Variants in CROCC2 observed in about 807,000 individuals in gnomAD.
CROCC2 encodes ciliary rootlet coiled-coil, rootletin family member 2.
CROCC2 carries 163 observed loss-of-function variants against 177.6 expected under a neutral mutation model. That is an observed-to-expected ratio of 0.92 (90% CI 0.81 to 1.05). The LOEUF (loss-of-function observed/expected upper bound fraction) is 1.05. Among genes scored for constraint, CROCC2 ranks in the 50% least tolerant of loss-of-function variants. CROCC2 has a pLI of 0.00. For synonymous variants in CROCC2, 904 were observed against 787.3 expected (o/e 1.15, Z -2.48); for missense variants, 1,929 against 1,797.8 (o/e 1.07, Z -1.32).
rs942086271 is a variant in CROCC2, at chr2:240,993,101, G to A, written c.*20G>A. The A allele has an allele frequency of 6.7e-5, 48 of 716,480 alleles. No individual in the cohort carries two copies. The highest frequency in any genetic ancestry group is 2.3e-4 in the Middle Eastern group (1 of 4,388). The allele number at this position is 716,480 out of a possible 1,614,324, so 44.4% of individuals were successfully genotyped here. ...GACTGAAGCTCCCAGCACAGGGGAG[G>A]CGCCCAGCGTGGCTGCAGAGGAAGG... is the stretch of plus-strand genomic sequence containing the variant. On this transcript the variant is annotated 3_prime_UTR_variant, in exon 32 of 32. Coordinates refer to ENST00000690015, the MANE Select transcript of CROCC2 (RefSeq NM_001351305.2).
intron 15 of CROCC2, among the ~76,000 whole-genome samples, chr2:240,947,018 A>T (rs528817972): frequency 6.6e-6 from 1 of 152,356 alleles, no homozygotes; most frequent in African/African-American, 2.4e-5. Context: ...GGTGATCTGA[A>T]TGGGTCCTGC....
chr2:240,966,299 T>C lies in CROCC2; in HGVS notation c.4036T>C (p.Trp1346Arg), dbSNP rs1460690339. Residue 1346 changes from tryptophan to arginine, a missense_variant, in exon 25 of 32, where the codon TGG becomes CGG. By Grantham distance (101) the Trp-to-Arg change is moderately radical. Transcript: ENST00000690015. ...PPARPHSPLR[W>R]PSPTPGGRSS... is the part of the protein sequence containing the mutation. The stretch of plus-strand genomic sequence containing the variant: ...AGCCAGGCCCCACTCGCCCCTCCGA[T>C]GGCCCTCGCCCACACCCGGAGGCCG... 1.4e-5 allele frequency: 6 copies of C among 443,476 alleles called. No individual in the cohort carries two copies. The East Asian group carries it at 2.1e-4, about 16-fold the overall frequency. 27.5% of individuals were successfully genotyped at this position (443,476 alleles called of 1,614,324 possible). A position where few individuals can be genotyped will look rare whatever the true frequency, so the allele number is the denominator to read the frequency against.
At chr2:240,971,180 C>T (rs898912050) in intron 27 of CROCC2, among the ~76,000 whole-genome samples, 38 of 152,304 alleles carry the variant, frequency 2.5e-4, no homozygotes, top group African/African-American at 7.9e-4. Context: ...TGCCGACACC[C>T]GAGGGTGTGC....
Position 240,973,381 on chromosome 2 carries a change from T to C in CROCC2, c.4401+5119T>C, listed in dbSNP as rs552759338. ...CAGGTCTCTGAGCAGGCGGGAGGCC[T>C]GGCACTCACTCAGCATCACCCACAG... On this transcript the variant is annotated intron_variant, in intron 27 of 31. Transcript: ENST00000690015. The surrounding 1 kb of genome is among the most constrained non-coding windows in gnomAD (Gnocchi z 4.7). 6.6e-6 allele frequency among the ~76,000 whole-genome samples: 1 copy of C among 152,226 alleles called. No homozygotes were observed. The highest frequency in any genetic ancestry group is 6.5e-5 in the Admixed American group (1 of 15,288).
chr2:240,961,522 G>A (rs1032297861), intron 20 of CROCC2, among the ~76,000 whole-genome samples: 6 of 150,574 alleles, frequency 4.0e-5, no homozygotes, highest in African/African-American at 1.5e-4. Flanking sequence ...CACATACAGA[G>A]TGGACACCTG....
chr2:240,907,624 A>G (rs908565333), intron 1 of CROCC2, among the ~76,000 whole-genome samples: 6 of 152,174 alleles, frequency 3.9e-5, no homozygotes, highest in African/African-American at 1.4e-4. Flanking sequence ...TTGCTCACAC[A>G]CAGGGCTGCA....
chr2:240,906,834 C>T (rs950067572), intron 1 of CROCC2, among the ~76,000 whole-genome samples: 2 of 152,132 alleles, frequency 1.3e-5, no homozygotes, highest in African/African-American at 2.4e-5. Flanking sequence ...GGCCCAGGGC[C>T]GCTGCTGGCT....
At chr2:240,939,982 T>C (rs149405825) in intron 14 of CROCC2, among the ~76,000 whole-genome samples, 1 of 152,346 alleles carries the variant, frequency 6.6e-6, no homozygotes, top group African/African-American at 2.4e-5. Context: ...CAAAAGAATG[T>C]GTATTATGCT....
chr2:240,965,063 C>T (rs1300652979), intron 22 of CROCC2, among the ~76,000 whole-genome samples: 8 of 152,180 alleles, frequency 5.3e-5, no homozygotes, highest in Admixed American at 3.9e-4. Flanking sequence ...CCTGTAATGG[C>T]GGCCTCGGGG....
In CROCC2 at chr2:240,935,515, G is replaced by T; in HGVS notation, c.2096G>T (p.Arg699Leu). The T allele has an allele frequency of 7.4e-7, 1 of 1,351,142 alleles. No homozygotes were observed. Among genetic ancestry groups the T allele is most frequent in the Non-Finnish European group, 9.5e-7 (1 of 1,048,946 alleles). The allele number at this position is 1,351,142 out of a possible 1,614,324, so 83.7% of individuals were successfully genotyped here. ...LQQACGRLEQRQEQLEGQAAL... is the reference protein window; with the variant it reads ...LQQACGRLEQLQEQLEGQAAL... ...CAGGCCTGCGGACGCCTGGAGCAGC[G>T]GCAGGAGCAGCTGGAGGGGCAGGCA... is the stretch of plus-strand genomic sequence containing the variant. Residue 699 changes from arginine to leucine, a missense_variant, in exon 14 of 32, where the codon CGG becomes CTG. By Grantham distance (102) the Arg-to-Leu change is moderately radical. Transcript: ENST00000690015.
Position 240,949,751 on chromosome 2 carries a change from C to T in CROCC2, c.2652+49C>T, listed in dbSNP as rs2059542734. 1 of 1,498,026 alleles carries T rather than the reference C, an allele frequency of 6.7e-7. No individual in the cohort carries two copies. Among genetic ancestry groups the T allele is most frequent in the African/African-American group, 1.4e-5 (1 of 71,190 alleles). 92.8% of individuals were successfully genotyped at this position (1,498,026 alleles called of 1,614,324 possible). A position where few individuals can be genotyped will look rare whatever the true frequency, so the allele number is the denominator to read the frequency against. ...GTAGCTTCCTAGAAGGCTACCAGGT[C>T]CCGGGGAATGGCAGGCCCTTGGGAG... On this transcript the variant is annotated intron_variant, in intron 17 of 31. Transcript: ENST00000690015. This position sits in a 1 kb window ranked among gnomAD's most constrained non-coding sequence, Gnocchi z 4.5.
rs116145204 is a variant in CROCC2 at position 240,918,535 on chromosome 2, G to A, written c.79-191G>A. Among the ~76,000 whole-genome samples the A allele has an allele frequency of 6.6e-5, 10 of 152,198 alleles. No individual in the cohort carries two copies. Among genetic ancestry groups the A allele is most frequent in the East Asian group, 1.9e-4 (1 of 5,190 alleles). On this transcript the variant is annotated intron_variant, in intron 1 of 31. Transcript: ENST00000690015. The surrounding 1 kb of genome is among the most constrained non-coding windows in gnomAD (Gnocchi z 6.3). ...TCCTCTCCAGAACCTGGGGACAGGC[G>A]CAGCCCCACTCCGCAGGTGCAGAAC...
At chr2:240,956,035 C>A in intron 19 of CROCC2, 63 bp downstream of exon 19, 1 of 1,227,616 alleles carries the variant, frequency 8.1e-7, no homozygotes, top group South Asian at 1.3e-5. Flanking sequence ...CCCAGGGGGC[C>A]ACCCCTCCTG....
rs372440583 is a variant in CROCC2, at chr2:240,958,962, T to C, written c.2944-339T>C. 130 of 209,474 alleles carry C rather than the reference T, an allele frequency of 6.2e-4. No homozygotes were observed. The highest frequency in any genetic ancestry group is 2.8e-3 in the African/African-American group (120 of 43,326). The allele number at this position is 209,474 out of a possible 1,614,324, so 13.0% of individuals were successfully genotyped here. ...GGGAGCCGACTCCAGCTGAGCTCAG[T>C]CCCAAATGGAGGGTAGAGCTGCCCA... On this transcript the variant is annotated intron_variant, in intron 19 of 31. Transcript: ENST00000690015. The surrounding 1 kb of genome is among the most constrained non-coding windows in gnomAD (Gnocchi z 6.7).
intron 12 of CROCC2, 35 bp downstream of exon 12, chr2:240,934,510 C>T: frequency 6.5e-7 from 1 of 1,530,760 alleles, no homozygotes; most frequent in East Asian, 2.5e-5. Flanking sequence ...GCCCCCTCTC[C>T]TGTCTGCCCC....
At position 240,965,727 on chromosome 2, in the gene CROCC2, G is replaced by A. The variant is rs1261941834; in HGVS notation, c.3695G>A (p.Gly1232Glu). ...CAGGAGCACCTCCGTGAGAGCCGGG[G>A]GGCTGAGCAGACCCTCCGAGCAGAG... is the stretch of plus-strand genomic sequence containing the variant. Reference protein sequence around the residue: ...RLQEHLRESRGAEQTLRAELH... With the variant: ...RLQEHLRESREAEQTLRAELH... Residue 1232 changes from glycine to glutamate, a missense_variant, in exon 24 of 32, where the codon GGG becomes GAG. Coordinates refer to ENST00000690015, the MANE Select transcript of CROCC2 (RefSeq NM_001351305.2). 3 of 1,545,060 alleles carry A rather than the reference G, an allele frequency of 1.9e-6. No homozygotes were observed.
At chr2:240,981,800 A>G (rs1191105724) in intron 27 of CROCC2, 1 of 151,918 alleles carries the variant, frequency 6.6e-6, no homozygotes, top group Non-Finnish European at 1.5e-5. Context: ...GGAGCTGGCC[A>G]TTTCTCCCAC....
chr2:240,983,438 C>T, intron 28 of CROCC2: 1 of 1,269,000 alleles, frequency 7.9e-7, no homozygotes, highest in Non-Finnish European at 1.0e-6. Context: ...GCTCTGCAGG[C>T]CGCAGAGGCT....
In CROCC2 at chr2:240,925,864, G is replaced by A. The variant is rs1222264856; in HGVS notation, c.629G>A (p.Arg210His). The change falls in exon 5 of 32, where the codon CGC becomes CAC. Residue 210 changes from arginine to histidine, a missense_variant. This residue lies in a region of CROCC2 where 1,397 missense variants were observed against 1,239.9 expected (regional missense o/e 1.13). Transcript: ENST00000690015. ...CTGCAGGGCGAGCTGGAGCTGAGGCGCTGGGCCCAGAGACAGGTGCTCCCC... is the reference window on the plus strand; with the variant it reads ...CTGCAGGGCGAGCTGGAGCTGAGGCACTGGGCCCAGAGACAGGTGCTCCCC... ...QRLQGELELR[R>H]WAQRQTRSGG... The A allele has an allele frequency of 1.3e-5, 9 of 713,552 alleles. 1 individual carries two copies. Among genetic ancestry groups the A allele is most frequent in the East Asian group, 8.0e-5 (3 of 37,276 alleles). The allele number at this position is 713,552 out of a possible 1,614,324, so 44.2% of individuals were successfully genotyped here. A position where few individuals can be genotyped will look rare whatever the true frequency, so the allele number is the denominator to read the frequency against.
Sources: gnomAD v4.1 joint callset for allele counts (sites outside exome capture counted in the v4.1 genomes callset) on GRCh38, gnomAD v4.1.1 for gene constraint, gnomAD v4.1.1 regional missense constraint, Gnocchi (gnomAD v3.1) non-coding constraint, MANE v1.5 for transcripts, NCBI Gene and HGNC (gene_info 2026-07-23, HGNC 2026-07-21) for gene names.